The following SYNE1 variants were observed in gnomAD, a reference collection of about 807,000 sequenced individuals.
SYNE1 encodes nesprin-1.
Under a neutral mutation model 1,111.0 loss-of-function variants are expected in SYNE1, and 616 were observed. The ratio of observed to expected loss-of-function variants is 0.55; its 90% CI spans 0.52 to 0.59. SYNE1 has a LOEUF of 0.59. Among genes scored for constraint, SYNE1 ranks in the 20% least tolerant of loss-of-function variants. SYNE1 has a pLI of 0.00. For missense variants in SYNE1, 10,006 were observed against 10,417.0 expected (o/e 0.96, Z 1.72); for synonymous variants, 3,855 against 3,825.8 (o/e 1.01, Z -0.28).
chr6:152,350,046 T>C (rs570898114), intron 72 of SYNE1, 122 bp downstream of exon 72: 1 of 1,275,880 alleles, frequency 7.8e-7, no homozygotes, highest in African/African-American at 1.5e-5. Context: ...CTCAGTACAA[T>C]CATTATAAAC....
At position 152,147,733 on chromosome 6, in the gene SYNE1, C is replaced by G. The variant is rs377515028; in HGVS notation, c.24976+312G>C. 35 of 361,708 alleles carry G rather than the reference C, an allele frequency of 9.7e-5. No homozygotes were observed. In the East Asian group the frequency reaches 1.1e-3, roughly 12 times the overall value. 22.4% of individuals were successfully genotyped at this position (361,708 alleles called of 1,614,324 possible). On this transcript the variant is annotated intron_variant, in intron 137 of 145. Transcript: ENST00000367255. Reference sequence around the variant, plus strand: ...ACCACACTGCCATCTGAGCCCCAAACACTTCATACAGTGGTTTCTCACTGT... The same window carrying G: ...ACCACACTGCCATCTGAGCCCCAAAGACTTCATACAGTGGTTTCTCACTGT...
intron 119 of SYNE1, among the ~76,000 whole-genome samples, 180 bp from the exon 120 acceptor site, chr6:152,219,365 T>C (rs1018224829): frequency 2.6e-5 from 4 of 152,172 alleles, no homozygotes; most frequent in Non-Finnish European, 4.4e-5. Context: ...TAAAATGCTA[T>C]GTTAATATTT....
intron 95 of SYNE1, among the ~76,000 whole-genome samples, chr6:152,287,514 T>A (rs1050347995): frequency 6.6e-6 from 1 of 152,202 alleles, no homozygotes; most frequent in Non-Finnish European, 1.5e-5. Context: ...ATTTTTAATA[T>A]ATATTTTCCC....
At chr6:152,453,387 G>T in intron 25 of SYNE1, 199 bp downstream of exon 25, 1 of 741,030 alleles carries the variant, frequency 1.3e-6, no homozygotes, top group Non-Finnish European at 2.2e-6. Flanking sequence ...AATTGATGCT[G>T]ATAATAAATA....
chr6:152,149,879 G>A (rs566141855), intron 135 of SYNE1, among the ~76,000 whole-genome samples: 3 of 152,162 alleles, frequency 2.0e-5, no homozygotes, highest in South Asian at 2.1e-4. Flanking sequence ...AGAAACATTC[G>A]AATTCCATGA....
intron 131 of SYNE1, among the ~76,000 whole-genome samples, chr6:152,156,681 T>A (rs1050029164): frequency 6.6e-6 from 1 of 152,260 alleles, no homozygotes; most frequent in African/African-American, 2.4e-5. Context: ...AAAGTCTGTA[T>A]GTATTCAATA....
intron 111 of SYNE1, 109 bp from the exon 112 acceptor site, chr6:152,234,072 G>T: frequency 2.6e-6 from 3 of 1,167,070 alleles, no homozygotes; most frequent in Non-Finnish European, 3.7e-6. Flanking sequence ...CCTGGAGGGG[G>T]TTATGCTGAA....
At chr6:152,499,892 C>A (rs1288970597) in intron 10 of SYNE1, among the ~76,000 whole-genome samples, 1 of 152,056 alleles carries the variant, frequency 6.6e-6, no homozygotes, top group African/African-American at 2.4e-5. Context: ...ATTAAAGTAA[C>A]CTCTGAAAAT....
intron 3 of SYNE1, among the ~76,000 whole-genome samples, chr6:152,566,985 CTGTGTGTG>C (rs59526151): frequency 0.22 from 32,275 of 146,316 alleles, 3,583 homozygotes; most frequent in East Asian, 0.33. Flanking sequence ...TCTTCACATA[CTGTGTGTG>C]TGTGTGTGTG....
chr6:152,562,896 G>A (rs1047420462), intron 3 of SYNE1, among the ~76,000 whole-genome samples: 1 of 152,134 alleles, frequency 6.6e-6, no homozygotes, highest in African/African-American at 2.4e-5. Context: ...AATGATGAAT[G>A]TAAATCAGTA....
Position 152,351,964 on chromosome 6 carries a change from C to T in SYNE1, c.11580+63G>A. The T allele has an allele frequency of 1.3e-5, 19 of 1,513,588 alleles. No homozygotes were observed. In the South Asian group the frequency reaches 2.0e-4, roughly 16 times the overall value. 93.8% of individuals were successfully genotyped at this position (1,513,588 alleles called of 1,614,324 possible). ...TACGGGTGACACCCAGCAAGAATCACCTCCCTCCCATTTGGTCTCTGTGTG... is the reference window on the plus strand; with the variant it reads ...TACGGGTGACACCCAGCAAGAATCATCTCCCTCCCATTTGGTCTCTGTGTG... On this transcript the variant is annotated intron_variant, in intron 70 of 145. Transcript: ENST00000367255.
intron 112 of SYNE1, 108 bp downstream of exon 112, chr6:152,233,673 G>T: frequency 7.3e-7 from 1 of 1,374,282 alleles, no homozygotes; most frequent in Non-Finnish European, 1.0e-6. Flanking sequence ...GAGGCCAGGT[G>T]TCTGGGACAA....
intron 126 of SYNE1, among the ~76,000 whole-genome samples, chr6:152,205,012 G>A (rs1389893581): frequency 6.6e-6 from 1 of 152,084 alleles, no homozygotes; most frequent in African/African-American, 2.4e-5. Flanking sequence ...ATGAAACTGT[G>A]CTGTGTGCAA....
intron 11 of SYNE1, among the ~76,000 whole-genome samples, chr6:152,497,607 T>A (rs1038442295): frequency 2.6e-5 from 4 of 152,212 alleles, no homozygotes; most frequent in African/African-American, 9.6e-5. Context: ...CTATTTGTTA[T>A]ACAAAGTCAT....
intron 3 of SYNE1, among the ~76,000 whole-genome samples, chr6:152,621,968 G>A (rs1053730216): frequency 3.9e-5 from 6 of 152,098 alleles, no homozygotes; most frequent in Admixed American, 6.6e-5. Context: ...AGGACCCAAT[G>A]TAATTGATTT....
intron 91 of SYNE1, among the ~76,000 whole-genome samples, chr6:152,302,742 T>C (rs781079544): frequency 6.6e-6 from 1 of 152,232 alleles, no homozygotes; most frequent in Non-Finnish European, 1.5e-5. Context: ...AACTAGAACT[T>C]TAAACTTGAA....
intron 145 of SYNE1, chr6:152,128,418 G>A (rs1027163624): frequency 3.3e-5 from 5 of 152,070 alleles, no homozygotes; most frequent in Admixed American, 1.3e-4. Flanking sequence ...AATTTTGTAG[G>A]CCCAGGGCCT....
intron 10 of SYNE1, among the ~76,000 whole-genome samples, chr6:152,501,472 T>C (rs1012303777): frequency 6.6e-6 from 1 of 152,146 alleles, no homozygotes. Flanking sequence ...TGGTGGCTCA[T>C]GCCTGTGATC....
At chr6:152,455,764 A>G in intron 23 of SYNE1, 122 bp downstream of exon 23, 1 of 1,432,254 alleles carries the variant, frequency 7.0e-7, no homozygotes. Context: ...TAGGACAATG[A>G]TTGGCTTCCA....
Sources: gnomAD v4.1 joint callset for allele counts (sites outside exome capture counted in the v4.1 genomes callset) on GRCh38, gnomAD v4.1.1 for gene constraint, MANE v1.5 for transcripts, NCBI Gene and HGNC (gene_info 2026-07-23, HGNC 2026-07-21) for gene names.